NUP210L: variants seen among roughly 807,000 people sequenced by gnomAD.
NUP210L encodes the protein nuclear pore membrane glycoprotein 210-like.
Under a neutral mutation model 208.5 loss-of-function variants are expected in NUP210L, and 74 were observed. The ratio of observed to expected loss-of-function variants is 0.35; its 90% CI spans 0.29 to 0.43. NUP210L has a LOEUF of 0.43. NUP210L is among the 20% of genes least tolerant of loss of function. The probability of loss-of-function intolerance (pLI) is 1.00; values close to 1 mark genes in which losing one functional copy is unlikely to be tolerated. For synonymous variants in NUP210L, 780 were observed against 816.9 expected (o/e 0.95, Z 0.77); for missense variants, 1,843 against 2,289.4 (o/e 0.81, Z 3.98).
intron 17 of NUP210L, among the ~76,000 whole-genome samples, chr1:154,069,257 G>A (rs925593814): frequency 4.6e-5 from 7 of 152,090 alleles, no homozygotes; most frequent in Admixed American, 2.0e-4. Flanking sequence ...GAGTGAACAG[G>A]CAACCTACAG....
At chr1:153,992,801 C>G in exon 40 of NUP210L, 1 of 1,402,286 alleles carries the variant, frequency 7.1e-7, no homozygotes, top group Non-Finnish European at 9.9e-7. Flanking sequence ...ATCTTCATTC[C>G]CCTGCAGTTA....
intron 12 of NUP210L, among the ~76,000 whole-genome samples, chr1:154,109,934 C>T (rs1351878081): frequency 6.6e-6 from 1 of 151,232 alleles, no homozygotes; most frequent in African/African-American, 2.5e-5. Flanking sequence ...TAATGAATGC[C>T]TACATCAAAA....
chr1:154,068,353 A>C (rs1472908423), intron 17 of NUP210L, among the ~76,000 whole-genome samples: 4 of 152,184 alleles, frequency 2.6e-5, no homozygotes, highest in African/African-American at 7.2e-5. Flanking sequence ...CTATTTAATA[A>C]ATGGTGCTGG....
At chr1:153,996,430 C>A (rs946576366) in intron 37 of NUP210L, among the ~76,000 whole-genome samples, 8 of 151,956 alleles carry the variant, frequency 5.3e-5, no homozygotes, top group African/African-American at 1.9e-4. Context: ...GAAACATTTT[C>A]TTTTCATTTT....
intron 37 of NUP210L, among the ~76,000 whole-genome samples, chr1:153,997,467 GTT>G (rs1328725231): frequency 9.5e-5 from 12 of 126,360 alleles, no homozygotes; most frequent in Non-Finnish European, 9.9e-5. Context: ...TTTCTTTTCT[GTT>G]TTTTTTTTTT....
intron 6 of NUP210L, among the ~76,000 whole-genome samples, chr1:154,137,647 C>G (rs1439326387): frequency 6.6e-6 from 1 of 151,664 alleles, no homozygotes; most frequent in Non-Finnish European, 1.5e-5. Flanking sequence ...CACAGGAGTT[C>G]AATGTTGCAA....
At chr1:153,993,149 T>G (rs1649574992) in intron 38 of NUP210L, 60 bp from the exon 39 acceptor site, 12 of 1,122,338 alleles carry the variant, frequency 1.1e-5, no homozygotes, top group Non-Finnish European at 1.6e-5. Context: ...AAAGGCAAAG[T>G]CAACTCTAGA....
Position 154,001,946 on chromosome 1 carries a change from TCTGA to T in NUP210L, c.4966_4969del (p.Ser1656ArgfsTer58). 1 of 1,614,038 alleles carries T rather than the reference TCTGA, an allele frequency of 6.2e-7. No homozygotes were observed. Among genetic ancestry groups the T allele is most frequent in the Non-Finnish European group, 8.5e-7 (1 of 1,179,958 alleles). Reference sequence around the variant, plus strand: ...CACACTGAGGGCCTGTAGCAGCTCCTCTGACTGCGGTCGAACCTTGATTATGCAG... The same window carrying T: ...CACACTGAGGGCCTGTAGCAGCTCCTCTGCGGTCGAACCTTGATTATGCAG... On this transcript the variant is annotated frameshift_variant, in exon 36 of 40. Coordinates refer to ENST00000368559, the Ensembl canonical transcript of NUP210L. LOFTEE classifies it high-confidence loss of function.
chr1:154,044,944 G>A (rs1653091110), intron 27 of NUP210L, among the ~76,000 whole-genome samples: 1 of 151,948 alleles, frequency 6.6e-6, no homozygotes, highest in Admixed American at 6.6e-5. Context: ...AAACATCAAA[G>A]CTTTTTTTCA....
chr1:154,016,965 C>CA (rs376685311), intron 33 of NUP210L, among the ~76,000 whole-genome samples: 158 of 147,968 alleles, frequency 1.1e-3, no homozygotes, highest in African/African-American at 2.4e-3. Flanking sequence ...TACTCCATCT[C>CA]AAAAAAAAAC....
intron 15 of NUP210L, among the ~76,000 whole-genome samples, chr1:154,091,134 T>C (rs1655890602): frequency 6.6e-6 from 1 of 150,532 alleles, no homozygotes; most frequent in Admixed American, 6.6e-5. Flanking sequence ...CTCACTCTGT[T>C]GCCCAGGCTG....
intron 16 of NUP210L, among the ~76,000 whole-genome samples, chr1:154,088,745 G>A (rs1655750309): frequency 6.6e-6 from 1 of 152,114 alleles, no homozygotes; most frequent in South Asian, 2.1e-4. Context: ...ACTTTTAGGA[G>A]GCTCGGTTTT....
At chr1:154,125,593 T>A (rs991483490) in intron 10 of NUP210L, among the ~76,000 whole-genome samples, 1 of 137,666 alleles carries the variant, frequency 7.3e-6, no homozygotes, top group Non-Finnish European at 1.5e-5. Flanking sequence ...CTGCACTCCA[T>A]CCTGGCTGAT....
chr1:154,017,284 C>CAA (rs1266870105), intron 33 of NUP210L, among the ~76,000 whole-genome samples: 1 of 107,458 alleles, frequency 9.3e-6, no homozygotes, highest in Non-Finnish European at 2.0e-5. Context: ...CTGTCTCCAA[C>CAA]AAAAAAAAAA....
intron 37 of NUP210L, among the ~76,000 whole-genome samples, chr1:153,996,657 G>A (rs1649884364): frequency 6.6e-6 from 1 of 152,050 alleles, no homozygotes; most frequent in African/African-American, 2.4e-5. Context: ...CTGACCTCAG[G>A]TGATCCACCC....
intron 8 of NUP210L, among the ~76,000 whole-genome samples, chr1:154,127,759 T>C (rs976375307): frequency 6.6e-6 from 1 of 152,140 alleles, no homozygotes; most frequent in Non-Finnish European, 1.5e-5. Flanking sequence ...TTTGCCATGT[T>C]GGCCAGGCTG....
exon 32 of NUP210L, chr1:154,022,129 G>A (rs1651600718): frequency 6.2e-7 from 1 of 1,610,702 alleles, no homozygotes; most frequent in Non-Finnish European, 8.5e-7. Context: ...TACATACCAT[G>A]CTGGCTGACA....
rs376325192 is a variant in NUP210L at position 154,001,354 on chromosome 1, C to T, written c.5182-294G>A. On this transcript the variant is annotated intron_variant, in intron 36 of 39. Coordinates refer to ENST00000368559, the Ensembl canonical transcript of NUP210L. Reference sequence around the variant, plus strand: ...CTGGGACTACAGGTGTCCGCCACCACGTCCAGCTAATTTTTGTACTTTTAG... The same window carrying T: ...CTGGGACTACAGGTGTCCGCCACCATGTCCAGCTAATTTTTGTACTTTTAG... Among the ~76,000 whole-genome samples, 100 of 152,228 alleles carry T rather than the reference C, an allele frequency of 6.6e-4. No homozygotes were observed. The East Asian group carries it at 0.015, about 23-fold the overall frequency.
intron 23 of NUP210L, among the ~76,000 whole-genome samples, chr1:154,055,135 CTTTCTT>C (rs3076137): frequency 1.4e-5 from 1 of 70,544 alleles, no homozygotes; most frequent in Non-Finnish European, 2.6e-5. Flanking sequence ...TTCTTTCTTT[CTTTCTT>C]TCTTTCTTTC....
Sources: allele counts gnomAD v4.1 joint callset (sites outside exome capture counted in the v4.1 genomes callset), GRCh38; gene constraint gnomAD v4.1.1; transcripts MANE v1.5; gene names NCBI Gene and HGNC (gene_info 2026-07-23, HGNC 2026-07-21).